Variants in LRRK2 observed in about 807,000 individuals in gnomAD.
LRRK2 encodes the protein leucine rich repeat kinase 2, also known as leucine-rich repeat serine/threonine-protein kinase 2.
In LRRK2, 203 loss-of-function variants were observed where a neutral mutation model predicts 302.6. The observed-to-expected ratio is 0.67, with a 90% confidence interval of 0.60 to 0.75. LRRK2 has a LOEUF of 0.75. Among genes scored for constraint, LRRK2 ranks in the 30% least tolerant of loss-of-function variants. The pLI is 0.00. For synonymous variants in LRRK2, 1,066 were observed against 1,031.9 expected (o/e 1.03, Z -0.63); for missense variants, 2,830 against 2,951.0 (o/e 0.96, Z 0.95).
chr12:40,231,762 T>A (rs1398636806), intron 2 of LRRK2, among the ~76,000 whole-genome samples: 2 of 147,244 alleles, frequency 1.4e-5, no homozygotes, highest in Non-Finnish European at 3.0e-5. Context: ...ATATATAAAT[T>A]ATATATATTA....
chr12:40,336,960 A>C (rs529317277), intron 40 of LRRK2, among the ~76,000 whole-genome samples: 1 of 152,310 alleles, frequency 6.6e-6, no homozygotes, highest in African/African-American at 2.4e-5. Context: ...CTCTAAAATG[A>C]CTTATTCTAG....
chr12:40,332,240 A>G (rs913579546), intron 39 of LRRK2, among the ~76,000 whole-genome samples: 1 of 152,170 alleles, frequency 6.6e-6, no homozygotes, highest in Non-Finnish European at 1.5e-5. Context: ...CCCCTGAACT[A>G]AAGTCCAGGG....
intron 14 of LRRK2, among the ~76,000 whole-genome samples, chr12:40,266,448 T>C (rs1943018371): frequency 6.6e-6 from 1 of 152,148 alleles, no homozygotes; most frequent in East Asian, 1.9e-4. Flanking sequence ...AAAACCACAA[T>C]GATATACCAT....
intron 18 of LRRK2, among the ~76,000 whole-genome samples, chr12:40,281,605 A>G (rs1042216098): frequency 3.3e-5 from 5 of 152,268 alleles, no homozygotes; most frequent in Admixed American, 1.3e-4. Flanking sequence ...AGCTGAAATT[A>G]CTTTCATAAA....
At chr12:40,300,082 T>G (rs1332717593) in intron 25 of LRRK2, among the ~76,000 whole-genome samples, 1 of 152,330 alleles carries the variant, frequency 6.6e-6, no homozygotes, top group Admixed American at 6.5e-5. Flanking sequence ...ATATTGTTTT[T>G]CATACTGAAG....
intron 12 of LRRK2, among the ~76,000 whole-genome samples, chr12:40,257,910 ATGG>A (rs1359187024): frequency 7.0e-6 from 1 of 142,024 alleles, no homozygotes; most frequent in African/African-American, 2.5e-5. Context: ...CTATGTGTGG[ATGG>A]TGGTGGGGCA....
intron 46 of LRRK2, among the ~76,000 whole-genome samples, chr12:40,358,359 C>T (rs1316640307): frequency 1.3e-5 from 2 of 152,048 alleles, no homozygotes; most frequent in African/African-American, 2.4e-5. Context: ...TTCATAGCTT[C>T]TGGTCTTACA....
intron 6 of LRRK2, among the ~76,000 whole-genome samples, chr12:40,242,272 A>G (rs1329846890): frequency 6.6e-6 from 1 of 152,098 alleles, no homozygotes; most frequent in African/African-American, 2.4e-5. Flanking sequence ...ACTTTTTGTG[A>G]AAACAGTTGA....
rs746359858 is a variant in LRRK2 at position 40,251,456 on chromosome 12, C to A, written c.1102-9C>A. The stretch of plus-strand genomic sequence containing the variant: ...TTTTGACAGATTTCTTTTTTCTCCC[C>A]TAATCCAGGAGGCCGCATGCTGGGC... On this transcript the variant is annotated splice_polypyrimidine_tract_variant and intron_variant, in intron 9 of 50. Coordinates refer to ENST00000298910, the MANE Select transcript of LRRK2 (RefSeq NM_198578.4). The A allele has an allele frequency of 7.4e-6, 12 of 1,611,268 alleles. No homozygotes were observed. Among genetic ancestry groups the A allele is most frequent in the Non-Finnish European group, 6.8e-6 (8 of 1,178,388 alleles).
intron 23 of LRRK2, among the ~76,000 whole-genome samples, chr12:40,296,966 A>C (rs1321958188): frequency 1.3e-5 from 2 of 151,820 alleles, no homozygotes; most frequent in Non-Finnish European, 2.9e-5. Flanking sequence ...CAACCTACCC[A>C]CCTAGCCTCC....
intron 29 of LRRK2, 42 bp from the exon 30 acceptor site, chr12:40,309,064 C>T (rs989111273): frequency 2.5e-6 from 4 of 1,605,524 alleles, no homozygotes; most frequent in Admixed American, 1.7e-5. Flanking sequence ...TCTTGCCTGT[C>T]GTTTGAAAGA....
At chr12:40,291,409 C>T (rs1411063609) in intron 20 of LRRK2, among the ~76,000 whole-genome samples, 1 of 146,710 alleles carries the variant, frequency 6.8e-6, no homozygotes, top group East Asian at 2.0e-4. Flanking sequence ...GCATGTGTAC[C>T]CTAGAACTTA....
chr12:40,283,562 G>A (rs1943794760), intron 18 of LRRK2, among the ~76,000 whole-genome samples: 1 of 152,204 alleles, frequency 6.6e-6, no homozygotes, highest in African/African-American at 2.4e-5. Context: ...TGTAAGCAAT[G>A]TGCATATTTG....
At position 40,356,163 on chromosome 12, in the gene LRRK2, A is replaced by G. The variant is rs762226674; in HGVS notation, c.6819A>G (p.Ala2273=). ...TTGGAACCGCTGATGGCAAGTTAGC[A>G]ATTTTTGAAGATAAGACTGTTAAGG... ...LLVGTADGKL[A]IFEDKTVKLK... The change falls in exon 46 of 51, where the codon GCA becomes GCG. Residue 2273 remains alanine, a synonymous_variant. Transcript: ENST00000298910. 1 of 1,612,202 alleles carries G rather than the reference A, an allele frequency of 6.2e-7. No individual in the cohort carries two copies. The highest frequency in any genetic ancestry group is 8.5e-7 in the Non-Finnish European group (1 of 1,179,146).
At chr12:40,281,219 A>G (rs1219609034) in intron 18 of LRRK2, among the ~76,000 whole-genome samples, 1 of 152,212 alleles carries the variant, frequency 6.6e-6, no homozygotes, top group African/African-American at 2.4e-5. Flanking sequence ...ACAACCTACG[A>G]AAAGGTCCAG....
At chr12:40,355,030 G>T (rs1287574503) in intron 45 of LRRK2, among the ~76,000 whole-genome samples, 1 of 152,154 alleles carries the variant, frequency 6.6e-6, no homozygotes, top group South Asian at 2.1e-4. Flanking sequence ...CAAAATTTCA[G>T]GTGTGAGTTG....
At chr12:40,256,208 A>C (rs1021789017) in intron 11 of LRRK2, among the ~76,000 whole-genome samples, 5 of 152,212 alleles carry the variant, frequency 3.3e-5, no homozygotes, top group African/African-American at 1.2e-4. Context: ...GCACTTTGGG[A>C]GGCCAAGGCA....
intron 14 of LRRK2, among the ~76,000 whole-genome samples, chr12:40,267,502 C>G (rs1371945010): frequency 6.6e-6 from 1 of 152,138 alleles, no homozygotes; most frequent in Non-Finnish European, 1.5e-5. Context: ...CCAACATTCT[C>G]TAAAGTTATT....
chr12:40,367,142 G>T, intron 50 of LRRK2, 65 bp downstream of exon 50: 1 of 1,247,400 alleles, frequency 8.0e-7, no homozygotes. Context: ...AACATATTAT[G>T]TGTTTCATAA....
Sources: allele counts gnomAD v4.1 joint callset (sites outside exome capture counted in the v4.1 genomes callset), GRCh38; gene constraint gnomAD v4.1.1; transcripts MANE v1.5; gene names NCBI Gene and HGNC (gene_info 2026-07-23, HGNC 2026-07-21).